Variants in HCN1 observed in about 807,000 individuals in gnomAD.
The protein encoded by HCN1 is potassium/sodium hyperpolarization-activated cyclic nucleotide-gated channel 1.
In HCN1, 13 loss-of-function variants were observed where a neutral mutation model predicts 78.9. The observed-to-expected ratio is 0.16, with a 90% CI of 0.11 to 0.26. The LOEUF (loss-of-function observed/expected upper bound fraction) is 0.26. Ranked by LOEUF, HCN1 falls within the 10% of genes least tolerant of loss-of-function variation. The probability of loss-of-function intolerance (pLI) is 1.00; values close to 1 mark genes in which losing one functional copy is unlikely to be tolerated. For missense variants in HCN1, 810 were observed against 1,154.3 expected, an observed-to-expected ratio of 0.70 and a Z score of 4.32; for synonymous variants, 552 against 455.5, an observed-to-expected ratio of 1.21 and a Z score of -2.70.
At chr5:45,350,335 T>C (rs1372264168) in intron 5 of HCN1, among the ~76,000 whole-genome samples, 1 of 152,158 alleles carries the variant, frequency 6.6e-6, no homozygotes, top group African/African-American at 2.4e-5. Context: ...CTCTTCATGC[T>C]AAAAACTCTC....
intron 5 of HCN1, among the ~76,000 whole-genome samples, chr5:45,345,175 C>T (rs968619005): frequency 2.0e-5 from 3 of 152,196 alleles, no homozygotes; most frequent in Non-Finnish European, 2.9e-5. Flanking sequence ...ACCTTGGCCC[C>T]TTTTATCAAT....
chr5:45,260,833 C>G lies in HCN1; in HGVS notation c.*1088G>C, dbSNP rs997915361. ...GATAGGCAATTAATGAATTGTTATG[C>G]TTTTCTAGAAACGAGAAATACTGTA... is the stretch of plus-strand genomic sequence containing the variant. On this transcript the variant is annotated 3_prime_UTR_variant, in exon 8 of 8. Coordinates refer to ENST00000303230, the MANE Select transcript of HCN1 (RefSeq NM_021072.4). 6.6e-6 allele frequency: 1 copy of G among 152,550 alleles called. No individual in the cohort carries two copies. The allele number at this position is 152,550 out of a possible 1,614,324, so 9.4% of individuals were successfully genotyped here. A position where few individuals can be genotyped will look rare whatever the true frequency, so the allele number is the denominator to read the frequency against.
intron 3 of HCN1, among the ~76,000 whole-genome samples, chr5:45,414,653 T>C (rs547910090): frequency 6.6e-6 from 1 of 152,172 alleles, no homozygotes; most frequent in Non-Finnish European, 1.5e-5. Context: ...AAATACTAAA[T>C]AGTTATCAGG....
At chr5:45,642,635 G>A (rs938281093) in intron 2 of HCN1, 1 of 152,062 alleles carries the variant, frequency 6.6e-6, no homozygotes, top group African/African-American at 2.4e-5. Context: ...AGACATGTGG[G>A]TGAACTCACA....
At chr5:45,441,268 C>T (rs987952601) in intron 3 of HCN1, among the ~76,000 whole-genome samples, 3 of 151,936 alleles carry the variant, frequency 2.0e-5, no homozygotes, top group South Asian at 2.1e-4. Context: ...GAGGAAAAGA[C>T]TTTGTTTTAT....
At chr5:45,373,014 T>C (rs1747456113) in intron 4 of HCN1, among the ~76,000 whole-genome samples, 1 of 137,276 alleles carries the variant, frequency 7.3e-6, no homozygotes, top group South Asian at 2.2e-4. Flanking sequence ...TTATATAAAA[T>C]ATATATATTT....
chr5:45,569,541 C>G (rs1743782076), intron 2 of HCN1, among the ~76,000 whole-genome samples: 1 of 151,844 alleles, frequency 6.6e-6, no homozygotes, highest in South Asian at 2.1e-4. Flanking sequence ...GTTTAGAGTT[C>G]TATTTAATTA....
chr5:45,493,229 G>A (rs927495435), intron 2 of HCN1, among the ~76,000 whole-genome samples: 2 of 151,818 alleles, frequency 1.3e-5, no homozygotes, highest in East Asian at 1.9e-4. Context: ...AATCTGCAAT[G>A]ACATATGTAT....
At chr5:45,651,668 C>A (rs1366530362) in intron 1 of HCN1, among the ~76,000 whole-genome samples, 6 of 151,884 alleles carry the variant, frequency 4.0e-5, no homozygotes, top group Admixed American at 3.9e-4. Context: ...CTCTTAAATG[C>A]TAGGTCCTCT....
At chr5:45,620,251 A>T (rs1217903050) in intron 2 of HCN1, among the ~76,000 whole-genome samples, 1 of 152,046 alleles carries the variant, frequency 6.6e-6, no homozygotes, top group African/African-American at 2.4e-5. Flanking sequence ...ATTTAATCCT[A>T]CAATAGGAAA....
chr5:45,670,840 A>C (rs1372473202), intron 1 of HCN1, among the ~76,000 whole-genome samples: 1 of 151,746 alleles, frequency 6.6e-6, no homozygotes, highest in East Asian at 1.9e-4. Flanking sequence ...TATCCACAAT[A>C]TCATCTAAGA....
At chr5:45,539,971 C>G (rs1743065168) in intron 2 of HCN1, among the ~76,000 whole-genome samples, 1 of 138,546 alleles carries the variant, frequency 7.2e-6, no homozygotes, top group Admixed American at 7.2e-5. Flanking sequence ...AAATGTTTAT[C>G]ATTGTCAGGA....
chr5:45,264,625 A>G (rs1487433865), intron 7 of HCN1, among the ~76,000 whole-genome samples: 1 of 152,248 alleles, frequency 6.6e-6, no homozygotes. Flanking sequence ...CATTAGTAAT[A>G]AATATAAATG....
At chr5:45,600,097 T>C (rs1360631439) in intron 2 of HCN1, among the ~76,000 whole-genome samples, 2 of 152,094 alleles carry the variant, frequency 1.3e-5, no homozygotes. Flanking sequence ...CTTGTCATTT[T>C]TTCCTGACTT....
At chr5:45,493,497 T>C (rs987759015) in intron 2 of HCN1, among the ~76,000 whole-genome samples, 11 of 152,238 alleles carry the variant, frequency 7.2e-5, no homozygotes, top group African/African-American at 2.4e-4. Context: ...TTATAAGGAA[T>C]TGCAATTTTA....
rs112141340 is a variant in HCN1, at chr5:45,609,412, A to C, written c.849+35773T>G. On this transcript the variant is annotated intron_variant, in intron 2 of 7. Coordinates refer to ENST00000303230, the MANE Select transcript of HCN1 (RefSeq NM_021072.4). ...CAAACAGCAACTCTCCAACTGTTGCATTTTTTCCCTTTGTCATGCTGGATT... is the reference window on the plus strand; with the variant it reads ...CAAACAGCAACTCTCCAACTGTTGCCTTTTTTCCCTTTGTCATGCTGGATT... 6.5e-3 allele frequency among the ~76,000 whole-genome samples: 988 copies of C among 152,174 alleles called. 5 individuals carry two copies. The highest frequency in any genetic ancestry group is 0.023 in the African/African-American group (954 of 41,544).
chr5:45,554,502 A>G (rs1743432247), intron 2 of HCN1, among the ~76,000 whole-genome samples: 1 of 151,736 alleles, frequency 6.6e-6, no homozygotes, highest in Non-Finnish European at 1.5e-5. Flanking sequence ...GATCTGAGAG[A>G]AAAGGCCTCA....
In HCN1 at chr5:45,696,028, G is replaced by C; in HGVS notation, c.66C>G (p.Pro22=). The part of the protein sequence containing the change: ...NSRDDGNSVF[P]AKASATGAGP... Reference sequence around the variant, plus strand: ...CCGCGCCCGTCGCGGACGCCTTGGCGGGGAAGACGCTGTTGCCATCGTCCC... The same window carrying C: ...CCGCGCCCGTCGCGGACGCCTTGGCCGGGAAGACGCTGTTGCCATCGTCCC... Residue 22 remains proline, a synonymous_variant, in exon 1 of 8, where the codon CCC becomes CCG. Coordinates refer to ENST00000303230, the MANE Select transcript of HCN1 (RefSeq NM_021072.4). 1 of 1,328,886 alleles carries C rather than the reference G, an allele frequency of 7.5e-7. No individual in the cohort carries two copies. The allele number at this position is 1,328,886 out of a possible 1,614,324, so 82.3% of individuals were successfully genotyped here.
At chr5:45,524,108 T>G (rs1365610021) in intron 2 of HCN1, among the ~76,000 whole-genome samples, 3 of 152,202 alleles carry the variant, frequency 2.0e-5, no homozygotes, top group Non-Finnish European at 4.4e-5. Flanking sequence ...CACCATTTAT[T>G]AAATAGGGAA....
Sources: allele counts gnomAD v4.1 joint callset (sites outside exome capture counted in the v4.1 genomes callset), GRCh38; gene constraint gnomAD v4.1.1; transcripts MANE v1.5; gene names NCBI Gene and HGNC (gene_info 2026-07-23, HGNC 2026-07-21).